The following CHD1 variants were observed in gnomAD, a reference collection of about 807,000 sequenced individuals.
CHD1 encodes chromodomain helicase DNA binding protein 1, also known as ATP-dependent chromatin remodeler CHD1.
CHD1 carries 36 observed loss-of-function variants against 224.2 expected under a neutral mutation model. That is an observed-to-expected ratio of 0.16 (90% confidence interval 0.12 to 0.21). The LOEUF is 0.21. Ranked by LOEUF, CHD1 falls within the 10% of genes least tolerant of loss-of-function variation. The pLI is 1.00. For missense variants in CHD1, 1,378 were observed against 1,994.8 expected (o/e 0.69, Z 5.89); for synonymous variants, 668 against 658.3 (o/e 1.01, Z -0.23).
At position 98,858,175 on chromosome 5, in the gene CHD1, T is replaced by G; in HGVS notation, c.4787+5A>C. The G allele has an allele frequency of 6.2e-7, 1 of 1,610,924 alleles. No individual in the cohort carries two copies. The highest frequency in any genetic ancestry group is 2.2e-5 in the East Asian group (1 of 44,812). On this transcript the variant is annotated splice_donor_5th_base_variant and intron_variant, in intron 35 of 35. Transcript: ENST00000614616. ...CAAAATTTCTAAAGTGACTGCCAAG[T>G]TTACCTGCTGTCTTGCTTGTAGTGA...
chr5:98,858,270 T>C lies in CHD1; in HGVS notation c.4697A>G (p.Tyr1566Cys), dbSNP rs1748191265. 1 of 1,613,256 alleles carries C rather than the reference T, an allele frequency of 6.2e-7. No individual in the cohort carries two copies. The highest frequency in any genetic ancestry group is 1.3e-5 in the African/African-American group (1 of 74,904). Reference protein sequence around the residue: ...HHKDRHQGDSYKKSDSRKRPY... With the variant: ...HHKDRHQGDSCKKSDSRKRPY... ...TCTTTTCCTGGAATCACTTTTTTTG[T>C]AAGAATCTCCCTGATGTCGGTCTTT... is the stretch of plus-strand genomic sequence containing the variant. The change falls in exon 35 of 36, where the codon TAC becomes TGC. Residue 1566 changes from tyrosine to cysteine, a missense_variant. By Grantham distance (194) the Tyr-to-Cys change is radical (BLOSUM62 -2). Coordinates refer to ENST00000614616, the MANE Select transcript of CHD1 (RefSeq NM_001270.4).
intron 26 of CHD1, among the ~76,000 whole-genome samples, chr5:98,873,026 CA>C (rs1749473105): frequency 6.6e-6 from 1 of 152,106 alleles, no homozygotes; most frequent in Non-Finnish European, 1.5e-5. Flanking sequence ...CAGGGTCTCA[CA>C]ATGTTGCCCA....
intron 2 of CHD1, among the ~76,000 whole-genome samples, chr5:98,910,965 C>T (rs1752350768): frequency 6.6e-6 from 1 of 151,002 alleles, no homozygotes; most frequent in Admixed American, 6.6e-5. Context: ...AATGTAAACT[C>T]ATCCTCTCTG....
intron 2 of CHD1, among the ~76,000 whole-genome samples, chr5:98,907,116 T>C (rs924253516): frequency 2.0e-5 from 3 of 152,178 alleles, no homozygotes; most frequent in Non-Finnish European, 2.9e-5. Flanking sequence ...CTTAAATGAA[T>C]ACAGAAATCT....
At chr5:98,877,880 T>C (rs1749879665) in intron 23 of CHD1, among the ~76,000 whole-genome samples, 1 of 152,172 alleles carries the variant, frequency 6.6e-6, no homozygotes, top group South Asian at 2.1e-4. Flanking sequence ...GCTCCTACTC[T>C]AACAACAAAT....
At chr5:98,896,511 T>C in intron 11 of CHD1, 69 bp from the exon 12 acceptor site, 3 of 1,028,466 alleles carry the variant, frequency 2.9e-6, no homozygotes, top group Non-Finnish European at 2.9e-6. Flanking sequence ...TTTTACATCA[T>C]GTGTATATGT....
At chr5:98,911,146 A>ATATATATATATATATATATATAT (rs1554081078) in intron 2 of CHD1, among the ~76,000 whole-genome samples, 2 of 39,122 alleles carry the variant, frequency 5.1e-5, no homozygotes, top group African/African-American at 1.2e-4. Context: ...AAAAAAAAAA[A>ATATATATATATATATATATATAT]ATATATATAT....
chr5:98,861,784 G>A (rs991287218), intron 32 of CHD1, among the ~76,000 whole-genome samples: 3 of 151,642 alleles, frequency 2.0e-5, no homozygotes, highest in Non-Finnish European at 2.9e-5. Flanking sequence ...TTATAGGCAT[G>A]AGCCATTGTG....
At position 98,909,004 on chromosome 5, in the gene CHD1, G is replaced by A. The variant is rs147180916; in HGVS notation, c.54-3906C>T. On this transcript the variant is annotated intron_variant, in intron 2 of 35. Transcript: ENST00000614616. ...ATTTCAAATATAAACTGAGCAATAT[G>A]ATGAATTATCATGAATCTATCACCC... Among the ~76,000 whole-genome samples, 160 of 150,712 alleles carry A rather than the reference G, an allele frequency of 1.1e-3. 2 individuals are homozygous for A. Among genetic ancestry groups the A allele is most frequent in the African/African-American group, 3.8e-3 (152 of 40,138 alleles).
chr5:98,902,628 A>G (rs1438474265), intron 5 of CHD1, among the ~76,000 whole-genome samples: 1 of 152,074 alleles, frequency 6.6e-6, no homozygotes, highest in African/African-American at 2.4e-5. Context: ...AGATTTTCTG[A>G]TATTACAACT....
At chr5:98,910,933 T>G (rs1423552028) in intron 2 of CHD1, among the ~76,000 whole-genome samples, 1 of 151,400 alleles carries the variant, frequency 6.6e-6, no homozygotes, top group Non-Finnish European at 1.5e-5. Flanking sequence ...CAGTGTGTAT[T>G]TTGATGTGCT....
chr5:98,890,404 G>A (rs1309373502), intron 15 of CHD1, among the ~76,000 whole-genome samples: 1 of 151,818 alleles, frequency 6.6e-6, no homozygotes, highest in Non-Finnish European at 1.5e-5. Flanking sequence ...AGGTAATCAA[G>A]AATAAAGAAT....
chr5:98,919,340 G>A (rs907365795), intron 2 of CHD1, among the ~76,000 whole-genome samples: 3 of 152,056 alleles, frequency 2.0e-5, no homozygotes, highest in African/African-American at 7.2e-5. Flanking sequence ...ATCACAGGAT[G>A]GAATGCAGAT....
At chr5:98,882,187 G>T (rs1340706377) in intron 19 of CHD1, 64 bp from the exon 20 acceptor site, 3 of 1,375,142 alleles carry the variant, frequency 2.2e-6, no homozygotes, top group Non-Finnish European at 3.0e-6. Context: ...AACCTCAAGT[G>T]CCTAAACACT....
At chr5:98,909,100 AAT>A (rs1400862497) in intron 2 of CHD1, among the ~76,000 whole-genome samples, 9 of 152,154 alleles carry the variant, frequency 5.9e-5, no homozygotes, top group Non-Finnish European at 1.0e-4. Context: ...TTGCAATACC[AAT>A]ATCTCTTAAA....
In CHD1 at chr5:98,868,501, G is replaced by A. The variant is rs564010044; in HGVS notation, c.4242C>T (p.Phe1414=). 2.5e-6 allele frequency: 4 copies of A among 1,607,476 alleles called. No homozygotes were observed. In the African/African-American group the frequency reaches 4.0e-5, roughly 16 times the overall value. Residue 1414 remains phenylalanine, a synonymous_variant, in exon 31 of 36, where the codon TTC becomes TTT. Coordinates refer to ENST00000614616, the MANE Select transcript of CHD1 (RefSeq NM_001270.4). The part of the protein sequence containing the change: ...EESEELDQKT[F]SICKERMRPV... Reference sequence around the variant, plus strand: ...CAGAAAGTCTAAGGCTTACAATGCTGAATGTCTTCTGATCCAGCTCTTCAG... The same window carrying A: ...CAGAAAGTCTAAGGCTTACAATGCTAAATGTCTTCTGATCCAGCTCTTCAG...
chr5:98,890,050 G>A (rs1750912335), intron 15 of CHD1, among the ~76,000 whole-genome samples: 1 of 152,164 alleles, frequency 6.6e-6, no homozygotes. Context: ...TCGACTACTA[G>A]AGGGGGGAAG....
rs200375047 is a variant in CHD1, at chr5:98,883,826, AATATATAT to A, written c.2569-597_2569-590del. The A allele has an allele frequency of 4.7e-4, 28 of 59,112 alleles. 1 individual carries two copies. Among genetic ancestry groups the A allele is most frequent in the African/African-American group, 1.9e-3 (22 of 11,770 alleles). The allele number at this position is 59,112 out of a possible 1,614,324, so 3.7% of individuals were successfully genotyped here. ...GCAACCTAGATGGGATTGGAGACTA[AATATATAT>A]ATATATATATATATATATATATATA... is the stretch of plus-strand genomic sequence containing the variant. On this transcript the variant is annotated intron_variant, in intron 18 of 35. Coordinates refer to ENST00000614616, the MANE Select transcript of CHD1 (RefSeq NM_001270.4).
chr5:98,890,760 T>C (rs1305715368), intron 15 of CHD1, among the ~76,000 whole-genome samples: 1 of 152,174 alleles, frequency 6.6e-6, no homozygotes, highest in Non-Finnish European at 1.5e-5. Flanking sequence ...CCTACCAATC[T>C]GTAGGAAATA....
Sources: allele counts gnomAD v4.1 joint callset (sites outside exome capture counted in the v4.1 genomes callset), GRCh38; gene constraint gnomAD v4.1.1; transcripts MANE v1.5; gene names NCBI Gene and HGNC (gene_info 2026-07-23, HGNC 2026-07-21).